PITRM1: variants seen among roughly 807,000 people sequenced by gnomAD.
PITRM1 encodes pitrilysin metallopeptidase 1.
PITRM1 carries 100 observed loss-of-function variants against 129.9 expected under a neutral mutation model. That is an observed-to-expected ratio of 0.77 (90% confidence interval 0.65 to 0.91). PITRM1 has a LOEUF of 0.91. PITRM1 is among the 40% of genes least tolerant of loss of function. The pLI is 0.00. For synonymous variants in PITRM1, 591 were observed against 508.8 expected (o/e 1.16, Z -2.17); for missense variants, 1,471 against 1,318.3 (o/e 1.12, Z -1.79).
chr10:3,144,266 C>A (rs3752803), intron 22 of PITRM1, 26 bp downstream of exon 22: 1 of 1,449,810 alleles, frequency 6.9e-7, no homozygotes. Flanking sequence ...CACCCGCTGG[C>A]AACCCGGATG....
chr10:3,150,064 G>A (rs1301847770), intron 15 of PITRM1, among the ~76,000 whole-genome samples: 8 of 151,842 alleles, frequency 5.3e-5, no homozygotes, highest in South Asian at 4.2e-4. Flanking sequence ...AGGTGCCCCC[G>A]AGACCCCTGG....
intron 22 of PITRM1, 87 bp downstream of exon 22, chr10:3,144,205 C>A: frequency 1.3e-6 from 1 of 755,908 alleles, no homozygotes; most frequent in Non-Finnish European, 2.3e-6. Flanking sequence ...GACAGGCGGA[C>A]GGAGGAACAT....
At chr10:3,149,069 G>A (rs1409668114) in intron 16 of PITRM1, 1 of 152,372 alleles carries the variant, frequency 6.6e-6, no homozygotes, top group African/African-American at 2.4e-5. Context: ...TGGCTGCAGG[G>A]TTCCCTGTCG....
chr10:3,149,753 G>C lies in PITRM1; in HGVS notation c.1739C>G (p.Ala580Gly). The C allele has an allele frequency of 6.2e-7, 1 of 1,613,584 alleles. No homozygotes were observed. ...GCAGTACTGAACAGGGATATCTCCA[G>C]CTAGAAAAACAAAAGGGATTTAATT... ...PVTELDVVLT[A>G]GDIPVQYCAQ... Residue 580 changes from alanine (A) to glycine (G), a missense_variant and splice_region_variant, in exon 16 of 27, where the codon GCT becomes GGT. By Grantham distance (60) the Ala-to-Gly change is moderately conservative. Coordinates refer to ENST00000224949, the MANE Select transcript of PITRM1 (RefSeq NM_014889.4).
chr10:3,169,989 T>C, intron 2 of PITRM1, 115 bp downstream of exon 2: 1 of 688,376 alleles, frequency 1.5e-6, no homozygotes, highest in South Asian at 1.9e-5. Context: ...GGCCAGGGCC[T>C]TGGGACACAA....
intron 15 of PITRM1, among the ~76,000 whole-genome samples, chr10:3,150,707 G>A (rs971049546): frequency 6.6e-6 from 1 of 152,272 alleles, no homozygotes; most frequent in South Asian, 2.1e-4. Flanking sequence ...GACAGACCAC[G>A]TGACAAAAAG....
intron 6 of PITRM1, 112 bp downstream of exon 6, chr10:3,165,126 T>TG: frequency 1.2e-6 from 1 of 820,820 alleles, no homozygotes; most frequent in Non-Finnish European, 1.9e-6. Flanking sequence ...AATTCAAGAA[T>TG]GTATCACCTA....
intron 7 of PITRM1, among the ~76,000 whole-genome samples, chr10:3,162,007 C>T (rs990747972): frequency 1.3e-5 from 2 of 151,566 alleles, no homozygotes; most frequent in African/African-American, 4.8e-5. Context: ...TCTGTCTCTA[C>T]AAAAAAATAT....
rs1246689259 is a variant in PITRM1 at position 3,165,463 on chromosome 10, C to T, written c.483G>A (p.Ser161=). The T allele has an allele frequency of 5.6e-6, 9 of 1,613,376 alleles. 1 individual carries two copies. The highest frequency in any genetic ancestry group is 1.3e-5 in the African/African-American group (1 of 74,860). ...GGAAAAAGGTGGCATCCAAATACAC[C>T]GAGAGGAGATTCTGAAAGTCCTTGG... ...QNPKDFQNLL[S]VYLDATFFPC... Residue 161 remains serine, a synonymous_variant, in exon 5 of 27, where the codon TCG becomes TCA. Coordinates refer to ENST00000224949, the MANE Select transcript of PITRM1 (RefSeq NM_014889.4).
chr10:3,140,824 A>T lies in PITRM1; in HGVS notation c.2646-12T>A, dbSNP rs1024313147. Reference sequence around the variant, plus strand: ...CAAGGATTTTAAGACTGAAATGATTAAAAAATGCAAGTTAATACCGTGGCT... The same window carrying T: ...CAAGGATTTTAAGACTGAAATGATTTAAAAATGCAAGTTAATACCGTGGCT... On this transcript the variant is annotated splice_polypyrimidine_tract_variant and intron_variant, in intron 23 of 26. Transcript: ENST00000224949. 2 of 1,564,922 alleles carry T rather than the reference A, an allele frequency of 1.3e-6. No individual in the cohort carries two copies. Among genetic ancestry groups the T allele is most frequent in the Non-Finnish European group, 1.7e-6 (2 of 1,150,970 alleles).
In PITRM1 at chr10:3,170,218, G is replaced by A; in HGVS notation, c.57-12C>T. The A allele has an allele frequency of 6.2e-7, 1 of 1,604,862 alleles. No individual in the cohort carries two copies. On this transcript the variant is annotated splice_polypyrimidine_tract_variant and intron_variant, in intron 1 of 26. Coordinates refer to ENST00000224949, the MANE Select transcript of PITRM1 (RefSeq NM_014889.4). Reference sequence around the variant, plus strand: ...TGTGGTGTGCATGTCTAGATTAAAAGTCATCTAAGTTAGATGAGTTGCAGG... The same window carrying A: ...TGTGGTGTGCATGTCTAGATTAAAAATCATCTAAGTTAGATGAGTTGCAGG...
intron 2 of PITRM1, among the ~76,000 whole-genome samples, chr10:3,168,141 CAGTA>C (rs1843025894): frequency 6.6e-6 from 1 of 152,108 alleles, no homozygotes; most frequent in East Asian, 1.9e-4. Flanking sequence ...CAAGCGCACA[CAGTA>C]AGTCGCTGGC....
chr10:3,163,038 T>G (rs989065406), intron 7 of PITRM1: 1 of 152,260 alleles, frequency 6.6e-6, no homozygotes, highest in Non-Finnish European at 1.5e-5. Context: ...CAAATGATCA[T>G]GACGTCTATA....
At chr10:3,145,476 G>A (rs571678543) in intron 21 of PITRM1, 120 bp downstream of exon 21, 33 of 789,062 alleles carry the variant, frequency 4.2e-5, no homozygotes, top group South Asian at 1.2e-4. Context: ...ATCTGCGTAC[G>A]GGGGATATGA....
At chr10:3,158,504 C>A (rs979482341) in intron 10 of PITRM1, among the ~76,000 whole-genome samples, 9 of 152,062 alleles carry the variant, frequency 5.9e-5, no homozygotes, top group African/African-American at 2.2e-4. Flanking sequence ...GAGCCGAGAT[C>A]GCGTCACTGC....
In PITRM1 at chr10:3,143,451, G is replaced by A; in HGVS notation, c.2583C>T (p.Phe861=). 6.2e-7 allele frequency: 1 copy of A among 1,613,868 alleles called. No homozygotes were observed. The highest frequency in any genetic ancestry group is 8.5e-7 in the Non-Finnish European group (1 of 1,179,756). ...TGCATTCACCCACGTAATTCACCGG[G>A]AAGGGCATCAGGAAGTGAGTCTTCA... ...WQMKTHFLMP[F]PVNYVGECIR... is the part of the protein sequence containing the mutation. The change falls in exon 23 of 27, where the codon TTC becomes TTT. Residue 861 remains phenylalanine (F), a synonymous_variant. Transcript: ENST00000224949.
intron 15 of PITRM1, among the ~76,000 whole-genome samples, chr10:3,150,524 G>T (rs551801830): frequency 3.7e-4 from 57 of 152,124 alleles, no homozygotes; most frequent in Non-Finnish European, 6.6e-4. Flanking sequence ...TCCCATCCCC[G>T]TCCTCAAGGT....
In PITRM1 at chr10:3,171,030, A is replaced by G. The variant is rs1221312607; in HGVS notation, c.57-824T>C. Among the ~76,000 whole-genome samples the G allele has an allele frequency of 2.0e-5, 3 of 151,754 alleles. No homozygotes were observed. The South Asian group carries it at 6.2e-4, about 32-fold the overall frequency. On this transcript the variant is annotated intron_variant, in intron 1 of 26. Transcript: ENST00000224949. ...TTGGTCTCTATCGTCCACACCTTAC[A>G]CTGCGGCCCCAGCACTCACAGACAA...
At chr10:3,148,456 G>T in intron 16 of PITRM1, 165 bp from the exon 17 acceptor site, 1 of 788,520 alleles carries the variant, frequency 1.3e-6, no homozygotes, top group Non-Finnish European at 1.9e-6. Context: ...TCTGGCCTTC[G>T]CCCTCGAGAG....
Sources: allele counts gnomAD v4.1 joint callset (sites outside exome capture counted in the v4.1 genomes callset), GRCh38; gene constraint gnomAD v4.1.1; transcripts MANE v1.5; gene names NCBI Gene and HGNC (gene_info 2026-07-23, HGNC 2026-07-21).